Variants in OCA2 observed in about 807,000 individuals in gnomAD.
The protein encoded by OCA2 is P protein.
In OCA2, 77 loss-of-function variants were observed where a neutral mutation model predicts 100.2. The ratio of observed to expected loss-of-function variants is 0.77; its 90% CI spans 0.64 to 0.93. OCA2 has a LOEUF of 0.93. Among genes scored for constraint, OCA2 ranks in the 40% least tolerant of loss-of-function variants. The pLI is 0.00. For synonymous variants in OCA2, 432 were observed against 439.2 expected (o/e 0.98, Z 0.21); for missense variants, 1,062 against 1,089.1 (o/e 0.98, Z 0.35).
At chr15:27,853,447 T>G (rs1327401696) in intron 21 of OCA2, among the ~76,000 whole-genome samples, 1 of 129,272 alleles carries the variant, frequency 7.7e-6, no homozygotes, top group African/African-American at 2.9e-5. Flanking sequence ...GGGGGAGGGA[T>G]AGCATTGGGA....
chr15:27,799,455 G>A (rs1566972268), intron 23 of OCA2, among the ~76,000 whole-genome samples: 1 of 152,180 alleles, frequency 6.6e-6, no homozygotes, highest in Non-Finnish European at 1.5e-5. Flanking sequence ...GTCTGAAAAA[G>A]GCAATGTCCC....
chr15:27,913,937 AAG>A (rs1216011143), intron 19 of OCA2, among the ~76,000 whole-genome samples: 2 of 146,400 alleles, frequency 1.4e-5, no homozygotes, highest in African/African-American at 2.6e-5. Flanking sequence ...GCAAGAAAGA[AAG>A]AAAAAAATTT....
chr15:27,942,840 TTA>T lies in OCA2; in HGVS notation c.1951+8942_1951+8943del, dbSNP rs962387384. 2.7e-3 allele frequency among the ~76,000 whole-genome samples: 405 copies of T among 152,284 alleles called. 3 individuals carry two copies. Among genetic ancestry groups the T allele is most frequent in the African/African-American group, 9.4e-3 (390 of 41,564 alleles). On this transcript the variant is annotated intron_variant, in intron 18 of 23. Transcript: ENST00000354638. ...AAGATCCATATTATATTACTTTACA[TTA>T]TGTTATATTATATTGCATTATATTA...
intron 11 of OCA2, 29 bp from the exon 12 acceptor site, chr15:27,986,672 A>G: frequency 1.4e-6 from 2 of 1,410,388 alleles, no homozygotes; most frequent in Non-Finnish European, 2.0e-6. Context: ...GACAAGGATA[A>G]TCTTTTAGCA....
At chr15:27,845,603 C>A (rs960223553) in intron 22 of OCA2, among the ~76,000 whole-genome samples, 4 of 152,168 alleles carry the variant, frequency 2.6e-5, no homozygotes, top group Non-Finnish European at 5.9e-5. Context: ...GTGCCATCCT[C>A]GCAGCCTGGT....
chr15:27,804,452 G>A (rs1266868192), intron 23 of OCA2, among the ~76,000 whole-genome samples: 1 of 152,206 alleles, frequency 6.6e-6, no homozygotes, highest in Non-Finnish European at 1.5e-5. Flanking sequence ...AGTTTGTGAA[G>A]TAGAAAGACA....
intron 13 of OCA2, among the ~76,000 whole-genome samples, chr15:27,984,155 AT>A (rs1359085511): frequency 8.6e-5 from 13 of 151,932 alleles, no homozygotes; most frequent in Non-Finnish European, 1.6e-4. Flanking sequence ...TGTACAATCA[AT>A]TCATGCTAAC....
chr15:27,984,419 A>G (rs999589047), intron 13 of OCA2, among the ~76,000 whole-genome samples: 2 of 152,166 alleles, frequency 1.3e-5, no homozygotes, highest in Non-Finnish European at 2.9e-5. Context: ...TCATCCACAC[A>G]GCCCACTCCC....
At chr15:28,032,792 C>CAAAAAAAAAAAA (rs34369918) in intron 2 of OCA2, among the ~76,000 whole-genome samples, 1 of 107,548 alleles carries the variant, frequency 9.3e-6, no homozygotes, top group Non-Finnish European at 1.9e-5. Context: ...GACTCTGTCT[C>CAAAAAAAAAAAA]AAAAAAAAAA....
intron 19 of OCA2, among the ~76,000 whole-genome samples, chr15:27,905,744 G>A (rs981078085): frequency 3.3e-5 from 5 of 152,328 alleles, no homozygotes; most frequent in African/African-American, 9.6e-5. Flanking sequence ...CAAGCCCAAC[G>A]GCATTAAATG....
chr15:27,866,237 G>C (rs2036317561), intron 21 of OCA2, among the ~76,000 whole-genome samples: 3 of 152,200 alleles, frequency 2.0e-5, no homozygotes. Flanking sequence ...GGAGTTGAGA[G>C]GGACAGCTGC....
chr15:27,770,890 CCA>C (rs2031743796), intron 23 of OCA2, among the ~76,000 whole-genome samples: 1 of 55,304 alleles, frequency 1.8e-5, no homozygotes, highest in Non-Finnish European at 4.2e-5. Context: ...TTGCTCCTTC[CCA>C]TCTCCTTTTC....
Position 27,775,063 on chromosome 15 carries a change from C to CGTGTGTGTGTGTGT in OCA2, c.2433-19605_2433-19592dup, listed in dbSNP as rs66465683. ...CTTGCTCAAAGGAGTTTTTAGAACT[C>CGTGTGTGTGTGTGT]GTGTGTGTGTGTGTGTGTGTGTGTG... On this transcript the variant is annotated intron_variant, in intron 23 of 23. Transcript: ENST00000354638. Among the ~76,000 whole-genome samples, 71 of 142,936 alleles carry CGTGTGTGTGTGTGT rather than the reference C, an allele frequency of 5.0e-4. 1 individual carries two copies. The highest frequency in any genetic ancestry group is 8.1e-4 in the Non-Finnish European group (53 of 65,308). The allele number at this position is 142,936 out of a possible 152,430, so 93.8% of individuals were successfully genotyped here.
At chr15:28,085,782 G>A (rs990589819) in intron 1 of OCA2, among the ~76,000 whole-genome samples, 1 of 152,008 alleles carries the variant, frequency 6.6e-6, no homozygotes, top group Admixed American at 6.5e-5. Flanking sequence ...GGAAGACAGA[G>A]AAGACCTACT....
In OCA2 at chr15:27,955,523, G is replaced by A. The variant is rs181635883; in HGVS notation, c.1785-308C>T. 4.2e-4 allele frequency among the ~76,000 whole-genome samples: 64 copies of A among 152,326 alleles called. No individual in the cohort carries two copies. In the East Asian group the frequency reaches 0.011, roughly 25 times the overall value. On this transcript the variant is annotated intron_variant, in intron 16 of 23. Coordinates refer to ENST00000354638, the MANE Select transcript of OCA2 (RefSeq NM_000275.3). ...GCAGCAGTGCGTGGAGGAGGGCAGCGACCGTCAGTCTCTTTATTTTCCTCT... is the reference window on the plus strand; with the variant it reads ...GCAGCAGTGCGTGGAGGAGGGCAGCAACCGTCAGTCTCTTTATTTTCCTCT...
intron 2 of OCA2, among the ~76,000 whole-genome samples, chr15:28,033,720 T>A (rs1313494642): frequency 1.3e-5 from 2 of 152,188 alleles, no homozygotes; most frequent in Non-Finnish European, 2.9e-5. Context: ...TAGAGAGATT[T>A]GGAAGAATCT....
the OCA2 span, among the ~76,000 whole-genome samples, chr15:27,730,780 T>G: frequency 6.5e-5 from 8 of 123,254 alleles, no homozygotes; most frequent in African/African-American, 9.4e-5. Flanking sequence ...TATATATATG[T>G]TTTTTTTTCA....
At chr15:27,746,907 C>T in the OCA2 span, among the ~76,000 whole-genome samples, 1 of 152,216 alleles carries the variant, frequency 6.6e-6, no homozygotes, top group Admixed American at 6.5e-5. Context: ...CACCCTCACT[C>T]ATCCTGCTCA....
At chr15:27,778,612 T>C (rs1595395554) in intron 23 of OCA2, among the ~76,000 whole-genome samples, 1 of 149,754 alleles carries the variant, frequency 6.7e-6, no homozygotes, top group South Asian at 2.1e-4. Flanking sequence ...AAAAAAGATG[T>C]GGTCCTGTCA....
Sources: gnomAD v4.1 joint callset for allele counts (sites outside exome capture counted in the v4.1 genomes callset) on GRCh38, gnomAD v4.1.1 for gene constraint, MANE v1.5 for transcripts, NCBI Gene and HGNC (gene_info 2026-07-23, HGNC 2026-07-21) for gene names.